The following SOX5 variants were observed in gnomAD, a reference collection of about 807,000 sequenced individuals.
SOX5 encodes the protein SRY-box transcription factor 5, also known as transcription factor SOX-5.
SOX5 carries 9 observed loss-of-function variants against 92.0 expected under a neutral mutation model. That is an observed-to-expected ratio of 0.10 (90% confidence interval 0.06 to 0.17). The LOEUF (loss-of-function observed/expected upper bound fraction) is 0.17, where lower values mean the gene tolerates loss of function less well. SOX5 is among the 10% of genes least tolerant of loss of function. The pLI is 1.00. For synonymous variants in SOX5, 344 were observed against 336.3 expected, an observed-to-expected ratio of 1.02 and a Z score of -0.25; for missense variants, 642 against 944.5, an observed-to-expected ratio of 0.68 and a Z score of 4.20.
intron 1 of SOX5, among the ~76,000 whole-genome samples, chr12:24,435,428 C>T (rs1283711012): frequency 6.6e-6 from 1 of 152,156 alleles, no homozygotes; most frequent in Non-Finnish European, 1.5e-5. Context: ...ATAAAAGATT[C>T]CTCACTAATA....
intron 4 of SOX5, among the ~76,000 whole-genome samples, chr12:24,066,639 C>A (rs1940799310): frequency 6.6e-6 from 1 of 152,116 alleles, no homozygotes; most frequent in Non-Finnish European, 1.5e-5. Context: ...AAAAAAAGTT[C>A]TACATTTCTG....
chr12:24,330,818 T>C (rs73287637), intron 2 of SOX5, among the ~76,000 whole-genome samples: 3,348 of 152,252 alleles, frequency 0.022, 118 homozygotes, highest in African/African-American at 0.076. Flanking sequence ...GAAATTCCAC[T>C]GAGATGAGTA....
At chr12:24,554,645 A>G (rs1566459277) in intron 1 of SOX5, among the ~76,000 whole-genome samples, 1 of 152,130 alleles carries the variant, frequency 6.6e-6, no homozygotes, top group East Asian at 1.9e-4. Context: ...TCAAAATATT[A>G]GGGGTCCCAG....
intron 3 of SOX5, among the ~76,000 whole-genome samples, chr12:24,254,433 A>G (rs1364582653): frequency 6.6e-6 from 1 of 151,818 alleles, no homozygotes; most frequent in African/African-American, 2.4e-5. Flanking sequence ...AATCTACCAA[A>G]CACCATAGCT....
In SOX5 at chr12:24,474,724, C is replaced by T. The variant is rs144984677; in HGVS notation, c.-251+87605G>A. ...CTAATTTTTGTATTTTTAGTAGAGA[C>T]GGCGTTTTACCATGTTGGCCATGCT... is the stretch of plus-strand genomic sequence containing the variant. On this transcript the variant is annotated intron_variant, in intron 1 of 4. Coordinates refer to the SOX5 transcript ENST00000446891. Among the ~76,000 whole-genome samples the T allele has an allele frequency of 1.1e-3, 165 of 151,270 alleles. 3 individuals are homozygous for T. The South Asian group carries it at 0.02, about 18-fold the overall frequency.
intron 4 of SOX5, among the ~76,000 whole-genome samples, chr12:24,177,233 A>C (rs1954923481): frequency 6.6e-6 from 1 of 152,200 alleles, no homozygotes; most frequent in African/African-American, 2.4e-5. Flanking sequence ...AAACTGAAGA[A>C]ATGTAGAGGG....
intron 4 of SOX5, among the ~76,000 whole-genome samples, chr12:24,198,453 T>C (rs2139505299): frequency 6.6e-6 from 1 of 152,348 alleles, no homozygotes; most frequent in East Asian, 1.9e-4. Flanking sequence ...TGCTTCTATC[T>C]ATAGTTTTAG....
intron 3 of SOX5, among the ~76,000 whole-genome samples, chr12:24,263,660 G>T (rs949923496): frequency 6.6e-6 from 1 of 151,450 alleles, no homozygotes; most frequent in African/African-American, 2.4e-5. Flanking sequence ...TAAGCATATC[G>T]TTAAAATAAA....
intron 3 of SOX5, among the ~76,000 whole-genome samples, chr12:24,226,852 TTGAA>T (rs575561385): frequency 0.17 from 21,393 of 123,086 alleles, 2,658 homozygotes; most frequent in African/African-American, 0.38. Flanking sequence ...AAAACAGTGA[TTGAA>T]TGAATGAATG....
At chr12:23,811,229 C>T (rs1594689211) in intron 3 of SOX5, among the ~76,000 whole-genome samples, 1 of 152,092 alleles carries the variant, frequency 6.6e-6, no homozygotes, top group Non-Finnish European at 1.5e-5. Flanking sequence ...TTATTCACCC[C>T]CTACACAGAG....
intron 8 of SOX5, among the ~76,000 whole-genome samples, chr12:23,621,348 G>T (rs985286599): frequency 6.6e-6 from 1 of 152,022 alleles, no homozygotes; most frequent in East Asian, 1.9e-4. Flanking sequence ...TATTTTGCAT[G>T]ATGAAAATGT....
At chr12:24,390,237 C>T (rs1958851625) in intron 1 of SOX5, among the ~76,000 whole-genome samples, 1 of 152,114 alleles carries the variant, frequency 6.6e-6, no homozygotes, top group African/African-American at 2.4e-5. Flanking sequence ...TGTGAATTGA[C>T]CAGGATACAT....
In SOX5 at chr12:23,533,652, G is replaced by C. The variant is rs1307392003; in HGVS notation, c.*567C>G. 6.5e-6 allele frequency: 1 copy of C among 152,700 alleles called. No homozygotes were observed. Among genetic ancestry groups the C allele is most frequent in the Non-Finnish European group, 1.5e-5 (1 of 68,364 alleles). The allele number at this position is 152,700 out of a possible 1,614,324, so 9.5% of individuals were successfully genotyped here. A position where few individuals can be genotyped will look rare whatever the true frequency, so the allele number is the denominator to read the frequency against. ...CAGACTTCCATCTTTAAAGTAGAGA[G>C]ATGGAGAAGGTGGAGAGAAGTAAAG... On this transcript the variant is annotated 3_prime_UTR_variant, in exon 15 of 15. Coordinates refer to ENST00000451604, the MANE Select transcript of SOX5 (RefSeq NM_006940.6).
intron 1 of SOX5, among the ~76,000 whole-genome samples, chr12:24,539,633 G>A (rs986261296): frequency 2.0e-5 from 3 of 152,068 alleles, no homozygotes; most frequent in Non-Finnish European, 1.5e-5. Flanking sequence ...TCTTTTAATT[G>A]TTTGCTCTCC....
intron 6 of SOX5, among the ~76,000 whole-genome samples, chr12:23,720,287 T>C (rs1306418720): frequency 6.6e-6 from 1 of 152,180 alleles, no homozygotes; most frequent in Non-Finnish European, 1.5e-5. Context: ...GAGCAGTATT[T>C]TACGGTGGGA....
At chr12:23,979,942 T>TAGACAGACAGACAGACAGACCGAC in intron 4 of SOX5, among the ~76,000 whole-genome samples, 1 of 89,428 alleles carries the variant, frequency 1.1e-5, no homozygotes, top group East Asian at 2.9e-4. Context: ...GACAGATAGA[T>TAGACAGACAGACAGACAGACCGAC]AGATAGATAG....
chr12:24,259,113 C>T (rs187185437), intron 3 of SOX5, among the ~76,000 whole-genome samples: 52 of 152,220 alleles, frequency 3.4e-4, no homozygotes, highest in Non-Finnish European at 5.7e-4. Flanking sequence ...AAAAGTAATG[C>T]TTGTCATAAA....
At chr12:23,854,399 C>A (rs146785557) in intron 2 of SOX5, among the ~76,000 whole-genome samples, 5 of 151,960 alleles carry the variant, frequency 3.3e-5, no homozygotes, top group East Asian at 3.9e-4. Context: ...ATATTTGGGT[C>A]AAGGACAGGC....
At chr12:24,127,444 T>C (rs984610876) in intron 4 of SOX5, among the ~76,000 whole-genome samples, 2 of 151,468 alleles carry the variant, frequency 1.3e-5, no homozygotes, top group Admixed American at 6.6e-5. Context: ...ATTGGTTATC[T>C]AGTTTACCTC....
Sources: gnomAD v4.1 joint callset for allele counts (sites outside exome capture counted in the v4.1 genomes callset) on GRCh38, gnomAD v4.1.1 for gene constraint, MANE v1.5 for transcripts, NCBI Gene and HGNC (gene_info 2026-07-23, HGNC 2026-07-21) for gene names.